CABCOCO1: variants seen among roughly 807,000 people sequenced by gnomAD.
CABCOCO1 encodes the protein ciliary-associated calcium-binding coiled-coil protein 1.
Under a neutral mutation model 35.7 loss-of-function variants are expected in CABCOCO1, and 28 were observed. That is an observed-to-expected ratio of 0.78 (90% CI 0.58 to 1.07). The LOEUF (loss-of-function observed/expected upper bound fraction) is 1.07. Ranked by LOEUF, CABCOCO1 falls within the 50% of genes least tolerant of loss-of-function variation. The probability of loss-of-function intolerance (pLI) is 0.00; values close to 1 mark genes in which losing one functional copy is unlikely to be tolerated. For missense variants in CABCOCO1, 326 were observed against 309.2 expected (o/e 1.05, Z -0.41); for synonymous variants, 95 against 100.1 (o/e 0.95, Z 0.30).
rs145306341 is a variant in CABCOCO1, at chr10:61,754,435, T to TAA, written c.553-5623_553-5622insAA. Among the ~76,000 whole-genome samples the TAA allele has an allele frequency of 3.2e-3, 480 of 152,234 alleles. 4 individuals carry two copies. The highest frequency in any genetic ancestry group is 6.8e-3 in the Middle Eastern group (2 of 294). ...AGAAGGTGCTCCTTTTCTGATTCAT[T>TAA]AGAGAGGATTTTATTGTCTGAGGTC... is the stretch of plus-strand genomic sequence containing the variant. On this transcript the variant is annotated intron_variant, in intron 5 of 7. Transcript: ENST00000648843.
At chr10:61,739,073 G>T (rs1841488535) in intron 5 of CABCOCO1, among the ~76,000 whole-genome samples, 1 of 151,958 alleles carries the variant, frequency 6.6e-6, no homozygotes, top group Non-Finnish European at 1.5e-5. Context: ...TTTTAATAGG[G>T]ATCTGCAAGA....
intron 5 of CABCOCO1, among the ~76,000 whole-genome samples, chr10:61,719,639 C>T (rs1429710502): frequency 6.6e-6 from 1 of 151,774 alleles, no homozygotes. Context: ...GTGGTGTCAT[C>T]GGGCCGGCGC....
At chr10:61,697,777 T>C (rs932943539) in intron 5 of CABCOCO1, among the ~76,000 whole-genome samples, 1 of 152,090 alleles carries the variant, frequency 6.6e-6, no homozygotes, top group Non-Finnish European at 1.5e-5. Context: ...AACAAACTTA[T>C]TAACATATTG....
chr10:61,725,677 G>T (rs535938726), intron 5 of CABCOCO1, among the ~76,000 whole-genome samples: 3 of 151,976 alleles, frequency 2.0e-5, no homozygotes, highest in African/African-American at 7.2e-5. Context: ...GTTAATGGGT[G>T]CAGCACACCA....
intron 5 of CABCOCO1, among the ~76,000 whole-genome samples, chr10:61,743,924 C>T (rs1196497468): frequency 6.6e-6 from 1 of 152,142 alleles, no homozygotes; most frequent in Non-Finnish European, 1.5e-5. Context: ...TCTACATATA[C>T]TTCTAATAAT....
In CABCOCO1 at chr10:61,673,862, G is replaced by C. The variant is rs116958608; in HGVS notation, c.164+1127G>C. On this transcript the variant is annotated intron_variant, in intron 2 of 7. Coordinates refer to ENST00000648843, the MANE Select transcript of CABCOCO1 (RefSeq NM_001366906.2). ...TTTTACCATTTTTATAGAAATTAAGGTTCGTTAGGAATTCTGATTCTTAAT... is the reference window on the plus strand; with the variant it reads ...TTTTACCATTTTTATAGAAATTAAGCTTCGTTAGGAATTCTGATTCTTAAT... Among the ~76,000 whole-genome samples, 388 of 152,186 alleles carry C rather than the reference G, an allele frequency of 2.5e-3. 3 individuals carry two copies. The highest frequency in any genetic ancestry group is 3.2e-3 in the Non-Finnish European group (217 of 67,994).
intron 5 of CABCOCO1, among the ~76,000 whole-genome samples, chr10:61,758,356 G>A (rs1161095270): frequency 6.6e-6 from 1 of 152,016 alleles, no homozygotes; most frequent in East Asian, 1.9e-4. Context: ...AGAAGGTAAA[G>A]GAAGGATGAA....
chr10:61,675,835 A>G (rs1839497582), intron 2 of CABCOCO1, among the ~76,000 whole-genome samples: 1 of 152,214 alleles, frequency 6.6e-6, no homozygotes, highest in South Asian at 2.1e-4. Flanking sequence ...GCTGAAAATC[A>G]AGTCAGTAAT....
chr10:61,685,347 T>A (rs1175375841), intron 3 of CABCOCO1: 3 of 152,244 alleles, frequency 2.0e-5, no homozygotes, highest in African/African-American at 7.2e-5. Flanking sequence ...CCCATCTAAG[T>A]CTTCCATTCC....
At chr10:61,752,531 ATTTCT>A (rs1195831375) in intron 5 of CABCOCO1, among the ~76,000 whole-genome samples, 1 of 152,164 alleles carries the variant, frequency 6.6e-6, no homozygotes, top group Non-Finnish European at 1.5e-5. Context: ...CTTTCTGCAA[ATTTCT>A]TTAGTTAAAA....
intron 5 of CABCOCO1, among the ~76,000 whole-genome samples, chr10:61,693,161 TA>T (rs112659470): frequency 5.3e-5 from 8 of 151,652 alleles, no homozygotes; most frequent in South Asian, 2.1e-4. Context: ...ACCAGAGCAA[TA>T]AAAAAAAATC....
chr10:61,742,953 C>A (rs979801089), intron 5 of CABCOCO1, among the ~76,000 whole-genome samples: 1 of 152,150 alleles, frequency 6.6e-6, no homozygotes, highest in Non-Finnish European at 1.5e-5. Flanking sequence ...TTCTTTACTG[C>A]ACTATTTAAC....
intron 2 of CABCOCO1, among the ~76,000 whole-genome samples, chr10:61,675,601 A>G (rs1226564781): frequency 1.3e-5 from 2 of 152,226 alleles, no homozygotes; most frequent in African/African-American, 4.8e-5. Flanking sequence ...ATATTTAATT[A>G]AAAATACGTA....
intron 1 of CABCOCO1, among the ~76,000 whole-genome samples, chr10:61,666,234 G>A (rs1331498962): frequency 6.6e-6 from 1 of 152,198 alleles, no homozygotes; most frequent in Non-Finnish European, 1.5e-5. Context: ...TCGTTACAGA[G>A]AAAACTCGGG....
intron 5 of CABCOCO1, among the ~76,000 whole-genome samples, chr10:61,750,214 C>A (rs543478101): frequency 1.3e-5 from 2 of 152,254 alleles, no homozygotes; most frequent in South Asian, 2.1e-4. Context: ...TATGGTATCT[C>A]TGAGGAACTC....
At chr10:61,762,835 G>A (rs1842034777) in intron 7 of CABCOCO1, among the ~76,000 whole-genome samples, 1 of 152,018 alleles carries the variant, frequency 6.6e-6, no homozygotes, top group African/African-American at 2.4e-5. Flanking sequence ...AGACTACTCT[G>A]GATTTTAATA....
At chr10:61,681,625 A>T (rs926461615) in intron 3 of CABCOCO1, among the ~76,000 whole-genome samples, 1 of 152,156 alleles carries the variant, frequency 6.6e-6, no homozygotes, top group African/African-American at 2.4e-5. Context: ...TTGTAAATTT[A>T]AAACTACACT....
chr10:61,739,024 T>A (rs1203967294), intron 5 of CABCOCO1, among the ~76,000 whole-genome samples: 1 of 152,238 alleles, frequency 6.6e-6, no homozygotes, highest in Non-Finnish European at 1.5e-5. Context: ...TCTCAACTTG[T>A]AACCTTTTAT....
chr10:61,704,317 A>G (rs1197528552), intron 5 of CABCOCO1, among the ~76,000 whole-genome samples: 2 of 152,210 alleles, frequency 1.3e-5, no homozygotes, highest in Non-Finnish European at 2.9e-5. Flanking sequence ...CCTTTCTTCT[A>G]GTGAATACAA....
Sources: gnomAD v4.1 joint callset for allele counts (sites outside exome capture counted in the v4.1 genomes callset) on GRCh38, gnomAD v4.1.1 for gene constraint, MANE v1.5 for transcripts, NCBI Gene and HGNC (gene_info 2026-07-23, HGNC 2026-07-21) for gene names.